MSH3: variants seen among roughly 807,000 people sequenced by gnomAD.
The protein encoded by MSH3 is mutS homolog 3.
Under a neutral mutation model 123.3 loss-of-function variants are expected in MSH3, and 106 were observed. That is an observed-to-expected ratio of 0.86 (90% confidence interval 0.73 to 1.01). The LOEUF is 1.01. Ranked by LOEUF, MSH3 falls within the 50% of genes least tolerant of loss-of-function variation. MSH3 has a pLI of 0.00. For synonymous variants in MSH3, 515 were observed against 481.4 expected (o/e 1.07, Z -0.91); for missense variants, 1,459 against 1,347.6 (o/e 1.08, Z -1.29).
At chr5:80,808,883 A>ATAT (rs1561485254) in intron 19 of MSH3, among the ~76,000 whole-genome samples, 11 of 130,692 alleles carry the variant, frequency 8.4e-5, no homozygotes, top group African/African-American at 1.2e-4. Flanking sequence ...ATATATATAT[A>ATAT]CACAATCTAA....
intron 10 of MSH3, 57 bp from the exon 11 acceptor site, chr5:80,741,407 G>A: frequency 1.0e-5 from 12 of 1,154,830 alleles, no homozygotes; most frequent in Non-Finnish European, 1.6e-5. Context: ...TCCTGAATTA[G>A]TTTTTTATTT....
intron 19 of MSH3, among the ~76,000 whole-genome samples, chr5:80,793,611 T>C (rs556454398): frequency 6.6e-6 from 1 of 152,090 alleles, no homozygotes; most frequent in South Asian, 2.1e-4. Flanking sequence ...GTATTCCAGG[T>C]AGAAGAACCA....
chr5:80,712,322 G>A (rs1750878083), intron 8 of MSH3, among the ~76,000 whole-genome samples: 1 of 152,056 alleles, frequency 6.6e-6, no homozygotes, highest in Non-Finnish European at 1.5e-5. Flanking sequence ...TTCAAAAAAT[G>A]GAAAGTATTT....
chr5:80,788,714 G>T (rs1744557281), intron 18 of MSH3, among the ~76,000 whole-genome samples: 1 of 150,798 alleles, frequency 6.6e-6, no homozygotes, highest in Non-Finnish European at 1.5e-5. Flanking sequence ...GGACACTGAG[G>T]ATTGCTTGAG....
rs139272659 is a variant in MSH3 at position 80,838,854 on chromosome 5, A to G, written c.2814-15276A>G. ...TACCATGTTTAGCTGTGTGACATAA[A>G]TTTTTAATTACGACATTTATACATT... On this transcript the variant is annotated intron_variant, in intron 20 of 23. Transcript: ENST00000265081. 3.6e-4 allele frequency among the ~76,000 whole-genome samples: 55 copies of G among 152,312 alleles called. No individual in the cohort carries two copies. In the Middle Eastern group the frequency reaches 0.01, roughly 28 times the overall value.
chr5:80,772,004 A>G (rs1744221774), intron 15 of MSH3, among the ~76,000 whole-genome samples: 1 of 152,172 alleles, frequency 6.6e-6, no homozygotes, highest in South Asian at 2.1e-4. Context: ...GTATGAAAGT[A>G]TGTATGTATG....
intron 20 of MSH3, among the ~76,000 whole-genome samples, chr5:80,819,089 G>C (rs1745155431): frequency 6.6e-6 from 1 of 151,510 alleles, no homozygotes; most frequent in Non-Finnish European, 1.5e-5. Context: ...ACCCAAATAA[G>C]CTTTTTTTTT....
intron 16 of MSH3, among the ~76,000 whole-genome samples, chr5:80,776,955 A>G (rs1744316210): frequency 1.4e-5 from 2 of 147,218 alleles, no homozygotes; most frequent in African/African-American, 5.0e-5. Flanking sequence ...TTTTTAAGAC[A>G]GAGTCTCTTT....
In MSH3 at chr5:80,654,943, G is replaced by A. The variant is rs758709284; in HGVS notation, c.216G>A (p.Pro72=). ...APPAPPAPAF[P]PQLPPHIATE... ...CAGCGCCCCCAGCTCCCGCCTTCCC[G>A]CCCCAGCTGCCGCCGCACATAGTAG... The change falls in exon 1 of 24, where the codon CCG becomes CCA. Residue 72 remains proline (P), a synonymous_variant. Transcript: ENST00000265081. 3 of 1,471,408 alleles carry A rather than the reference G, an allele frequency of 2.0e-6. No homozygotes were observed. Among genetic ancestry groups the A allele is most frequent in the South Asian group, 1.3e-5 (1 of 77,190 alleles). The allele number at this position is 1,471,408 out of a possible 1,614,324, so 91.1% of individuals were successfully genotyped here.
chr5:80,674,054 T>A (rs1749779247), intron 6 of MSH3, among the ~76,000 whole-genome samples: 1 of 152,226 alleles, frequency 6.6e-6, no homozygotes, highest in Non-Finnish European at 1.5e-5. Flanking sequence ...CAGCTATCAC[T>A]CAAAATGGGC....
intron 13 of MSH3, among the ~76,000 whole-genome samples, chr5:80,762,435 A>G (rs991201279): frequency 4.0e-5 from 6 of 151,404 alleles, no homozygotes; most frequent in East Asian, 1.9e-4. Flanking sequence ...ATGTGTGTGT[A>G]TATATATATG....
At chr5:80,847,091 G>C (rs1252982929) in intron 20 of MSH3, among the ~76,000 whole-genome samples, 1 of 151,808 alleles carries the variant, frequency 6.6e-6, no homozygotes, top group Non-Finnish European at 1.5e-5. Context: ...ACAGATTCTC[G>C]CTCTCTTGCC....
At chr5:80,860,441 T>C (rs900100230) in intron 21 of MSH3, among the ~76,000 whole-genome samples, 2 of 106,128 alleles carry the variant, frequency 1.9e-5, no homozygotes, top group African/African-American at 3.3e-5. Flanking sequence ...GAGAGGTTTG[T>C]TGTTTTTTTT....
At chr5:80,863,300 G>A (rs1470098081) in intron 21 of MSH3, among the ~76,000 whole-genome samples, 1 of 152,170 alleles carries the variant, frequency 6.6e-6, no homozygotes, top group Admixed American at 6.5e-5. Context: ...GAGAACATGC[G>A]CCCAAGGTGG....
chr5:80,670,384 T>C (rs1423037068), intron 4 of MSH3, 75 bp downstream of exon 4: 1 of 1,413,838 alleles, frequency 7.1e-7, no homozygotes, highest in African/African-American at 1.4e-5. Flanking sequence ...TTTTGTTTCA[T>C]TTTCTGACCT....
At chr5:80,690,088 A>C (rs836798) in intron 8 of MSH3, among the ~76,000 whole-genome samples, 1 of 151,614 alleles carries the variant, frequency 6.6e-6, no homozygotes, top group African/African-American at 2.4e-5. Flanking sequence ...CTAATTTTTT[A>C]AAAAAAATTT....
chr5:80,798,053 C>T (rs1744729043), intron 19 of MSH3, among the ~76,000 whole-genome samples: 1 of 151,846 alleles, frequency 6.6e-6, no homozygotes, highest in African/African-American at 2.4e-5. Context: ...ATATAAATTT[C>T]AACTAATGGA....
At position 80,761,696 on chromosome 5, in the gene MSH3, C is replaced by A. The variant is rs150904071; in HGVS notation, c.1896+18C>A. On this transcript the variant is annotated intron_variant, in intron 13 of 23. Transcript: ENST00000265081. ...ACAAAAAAGTAAGTGTGATAGAAATCTATTAAAGCTGACAGTGTTCTTCAG... is the reference window on the plus strand; with the variant it reads ...ACAAAAAAGTAAGTGTGATAGAAATATATTAAAGCTGACAGTGTTCTTCAG... 7 of 1,613,812 alleles carry A rather than the reference C, an allele frequency of 4.3e-6. No individual in the cohort carries two copies. The South Asian group carries it at 7.7e-5, about 18-fold the overall frequency.
At position 80,814,955 on chromosome 5, in the gene MSH3, A is replaced by G. The variant is rs1027193085; in HGVS notation, c.2813+1214A>G. Among the ~76,000 whole-genome samples, 6 of 152,256 alleles carry G rather than the reference A, an allele frequency of 3.9e-5. No homozygotes were observed. The East Asian group carries it at 7.7e-4, about 19-fold the overall frequency. ...TTTATCAGTTCTTAAAGCATCGTGT[A>G]TATTTCTTACATGTACATTTCTAAA... On this transcript the variant is annotated intron_variant, in intron 20 of 23. Coordinates refer to ENST00000265081, the MANE Select transcript of MSH3 (RefSeq NM_002439.5).
Sources: allele counts gnomAD v4.1 joint callset (sites outside exome capture counted in the v4.1 genomes callset), GRCh38; gene constraint gnomAD v4.1.1; transcripts MANE v1.5; gene names NCBI Gene and HGNC (gene_info 2026-07-23, HGNC 2026-07-21).